Variants in PRKG1 observed in about 807,000 individuals in gnomAD.
PRKG1 encodes the protein protein kinase cGMP-dependent 1.
PRKG1 carries 35 observed loss-of-function variants against 88.1 expected under a neutral mutation model. The ratio of observed to expected loss-of-function variants is 0.40; its 90% CI spans 0.30 to 0.53. The LOEUF is 0.53. Among genes scored for constraint, PRKG1 ranks in the 20% least tolerant of loss-of-function variants. The probability of loss-of-function intolerance (pLI) is 0.59; values close to 1 mark genes in which losing one functional copy is unlikely to be tolerated. For synonymous variants in PRKG1, 303 were observed against 292.5 expected, an observed-to-expected ratio of 1.04 and a Z score of -0.37; for missense variants, 540 against 839.8, an observed-to-expected ratio of 0.64 and a Z score of 4.41.
At chr10:52,211,816 CTG>C (rs917758011) in intron 9 of PRKG1, among the ~76,000 whole-genome samples, 1 of 150,972 alleles carries the variant, frequency 6.6e-6, no homozygotes, top group African/African-American at 2.4e-5. Context: ...CTGCTAATAA[CTG>C]TGTGATCTGT....
chr10:51,143,263 T>G (rs553480129), intron 1 of PRKG1, among the ~76,000 whole-genome samples: 2 of 152,246 alleles, frequency 1.3e-5, no homozygotes, highest in African/African-American at 2.4e-5. Flanking sequence ...TTGTTTCACT[T>G]AATATAATAT....
chr10:51,738,738 G>A (rs1030556667), intron 3 of PRKG1, among the ~76,000 whole-genome samples: 26 of 152,112 alleles, frequency 1.7e-4, no homozygotes, highest in African/African-American at 5.6e-4. Context: ...ATTGGACTGA[G>A]AAATGAAACA....
chr10:51,277,926 C>T (rs1046536948), intron 2 of PRKG1, among the ~76,000 whole-genome samples: 6 of 152,124 alleles, frequency 3.9e-5, no homozygotes, highest in African/African-American at 9.7e-5. Context: ...TCCTCTTTTC[C>T]TAATTGAATA....
intron 3 of PRKG1, among the ~76,000 whole-genome samples, chr10:51,709,411 A>T (rs1265327754): frequency 6.6e-6 from 1 of 152,210 alleles, no homozygotes; most frequent in African/African-American, 2.4e-5. Flanking sequence ...ATTTATGCTG[A>T]AATAGCTGTG....
intron 1 of PRKG1, among the ~76,000 whole-genome samples, chr10:51,054,959 A>C (rs1235433693): frequency 6.6e-6 from 1 of 152,194 alleles, no homozygotes; most frequent in African/African-American, 2.4e-5. Flanking sequence ...TAATAATAAG[A>C]GCTCAGTAAA....
intron 5 of PRKG1, among the ~76,000 whole-genome samples, chr10:52,009,774 A>T (rs1844835126): frequency 6.6e-6 from 1 of 152,150 alleles, no homozygotes; most frequent in Non-Finnish European, 1.5e-5. Context: ...TTCAAACTGT[A>T]GTACAGGCAA....
chr10:51,684,075 A>T (rs1440107872), intron 3 of PRKG1, among the ~76,000 whole-genome samples: 1 of 152,230 alleles, frequency 6.6e-6, no homozygotes, highest in East Asian at 1.9e-4. Context: ...ACAAATGTTC[A>T]CACCGGCACT....
intron 2 of PRKG1, among the ~76,000 whole-genome samples, chr10:51,266,447 T>G (rs955225974): frequency 6.6e-6 from 1 of 152,154 alleles, no homozygotes; most frequent in Non-Finnish European, 1.5e-5. Context: ...AAGAACTACT[T>G]GTTATCTGTA....
intron 1 of PRKG1, among the ~76,000 whole-genome samples, chr10:51,058,028 A>C (rs921256237): frequency 6.6e-6 from 1 of 152,112 alleles, no homozygotes; most frequent in African/African-American, 2.4e-5. Flanking sequence ...ATTGCTGTGA[A>C]TTCTTTTCAA....
chr10:52,001,971 C>A (rs1160827135), intron 5 of PRKG1, among the ~76,000 whole-genome samples: 1 of 151,814 alleles, frequency 6.6e-6, no homozygotes, highest in Non-Finnish European at 1.5e-5. Context: ...AAAAGAACAG[C>A]AACCATGAAA....
intron 1 of PRKG1, among the ~76,000 whole-genome samples, chr10:51,055,924 C>A (rs2660202): frequency 0.27 from 41,056 of 151,920 alleles, 5,832 homozygotes; most frequent in African/African-American, 0.35. Context: ...CCTCTTGATT[C>A]TACATTACTT....
At chr10:51,792,140 C>T (rs937974716) in intron 3 of PRKG1, among the ~76,000 whole-genome samples, 1 of 151,880 alleles carries the variant, frequency 6.6e-6, no homozygotes, top group African/African-American at 2.4e-5. Context: ...AATTGTGTTT[C>T]TTTGTAAACA....
intron 3 of PRKG1, among the ~76,000 whole-genome samples, chr10:51,693,883 A>G (rs1425512562): frequency 6.6e-6 from 1 of 152,182 alleles, no homozygotes; most frequent in African/African-American, 2.4e-5. Flanking sequence ...GTGCATAAAA[A>G]CAAACGAAAA....
chr10:51,682,679 A>G (rs1401856039), intron 3 of PRKG1, among the ~76,000 whole-genome samples: 2 of 152,198 alleles, frequency 1.3e-5, no homozygotes, highest in Admixed American at 6.5e-5. Context: ...CAGTCCTCCT[A>G]ACTACCCTTG....
intron 5 of PRKG1, among the ~76,000 whole-genome samples, chr10:51,937,074 A>C (rs1367014648): frequency 2.6e-5 from 4 of 151,932 alleles, no homozygotes; most frequent in Non-Finnish European, 5.9e-5. Context: ...TTAGCTTTAC[A>C]CTCTAGAGTT....
chr10:51,483,122 G>A (rs1031123887), intron 3 of PRKG1, among the ~76,000 whole-genome samples: 3 of 148,754 alleles, frequency 2.0e-5, no homozygotes, highest in Non-Finnish European at 3.0e-5. Context: ...CTGGATTCAA[G>A]CAATTCTTCC....
chr10:51,215,349 A>G (rs1252514533), intron 2 of PRKG1, among the ~76,000 whole-genome samples: 2 of 152,228 alleles, frequency 1.3e-5, no homozygotes, highest in African/African-American at 4.8e-5. Flanking sequence ...AGTGATTACA[A>G]CTACCACTTA....
intron 5 of PRKG1, among the ~76,000 whole-genome samples, chr10:51,991,149 T>C (rs1056361347): frequency 6.6e-6 from 1 of 152,174 alleles, no homozygotes; most frequent in African/African-American, 2.4e-5. Context: ...TCTATTGGTG[T>C]ATAGAAATGC....
intron 4 of PRKG1, among the ~76,000 whole-genome samples, chr10:51,813,641 T>G (rs1839512709): frequency 6.6e-6 from 1 of 152,174 alleles, no homozygotes. Context: ...TCTATAGAAC[T>G]GATACTCTTA....
Sources: gnomAD v4.1 joint callset for allele counts (sites outside exome capture counted in the v4.1 genomes callset) on GRCh38, gnomAD v4.1.1 for gene constraint, MANE v1.5 for transcripts, NCBI Gene and HGNC (gene_info 2026-07-23, HGNC 2026-07-21) for gene names.